Variants in FRMD5 observed in about 807,000 individuals in gnomAD.
FRMD5 encodes the protein FERM domain-containing protein 5.
FRMD5 carries 20 observed loss-of-function variants against 69.0 expected under a neutral mutation model. The ratio of observed to expected loss-of-function variants is 0.29; its 90% CI spans 0.20 to 0.42. The LOEUF (loss-of-function observed/expected upper bound fraction) is 0.42. Among genes scored for constraint, FRMD5 ranks in the 10% least tolerant of loss-of-function variants. The pLI, the probability that FRMD5 is intolerant of heterozygous loss-of-function variation, is 1.00. For missense variants in FRMD5, 595 were observed against 708.6 expected, an observed-to-expected ratio of 0.84 and a Z score of 1.82; for synonymous variants, 271 against 260.1, an observed-to-expected ratio of 1.04 and a Z score of -0.40.
chr15:43,935,340 C>T (rs1040527910), intron 1 of FRMD5, among the ~76,000 whole-genome samples: 7 of 152,078 alleles, frequency 4.6e-5, no homozygotes, highest in South Asian at 2.1e-4. Flanking sequence ...ACAAATTAGC[C>T]GGGTGTGGTG....
chr15:43,876,063 C>T (rs1018773028), intron 13 of FRMD5: 2 of 1,273,330 alleles, frequency 1.6e-6, no homozygotes, highest in Non-Finnish European at 1.1e-6. Flanking sequence ...GAATCTCATC[C>T]CAGACTTTAA....
In FRMD5 at chr15:43,966,197, C is replaced by T. The variant is rs555236620; in HGVS notation, c.103-41888G>A. ...ACCAGCCTGACCAACGTGGTGAAAC[C>T]GCATCTCTAATAAAAATACAAAAGT... On this transcript the variant is annotated intron_variant, in intron 1 of 13. Coordinates refer to ENST00000417257, the MANE Select transcript of FRMD5 (RefSeq NM_032892.5). Among the ~76,000 whole-genome samples the T allele has an allele frequency of 6.1e-4, 92 of 151,772 alleles. 1 individual carries two copies. Among genetic ancestry groups the T allele is most frequent in the Admixed American group, 1.2e-3 (18 of 15,248 alleles).
intron 1 of FRMD5, among the ~76,000 whole-genome samples, chr15:44,138,472 T>C (rs1242827130): frequency 6.6e-6 from 1 of 152,162 alleles, no homozygotes; most frequent in African/African-American, 2.4e-5. Context: ...CAATAATGGA[T>C]GCCTTGAAGA....
intron 1 of FRMD5, among the ~76,000 whole-genome samples, chr15:44,111,634 A>G (rs183374236): frequency 3.0e-4 from 46 of 152,342 alleles, no homozygotes; most frequent in Non-Finnish European, 5.6e-4. Context: ...TAATCACCCA[A>G]TCGGAACCCT....
upstream of FRMD5, among the ~76,000 whole-genome samples, chr15:44,198,387 A>C (rs1453924124): frequency 5.3e-5 from 8 of 151,848 alleles, no homozygotes; most frequent in African/African-American, 1.5e-4. Context: ...CACCTCACCG[A>C]AAGACCAGTT....
At chr15:44,128,910 G>T (rs781380045) in intron 1 of FRMD5, among the ~76,000 whole-genome samples, 1 of 152,108 alleles carries the variant, frequency 6.6e-6, no homozygotes, top group South Asian at 2.1e-4. Context: ...GGGAGAGAAG[G>T]CATATATAAT....
At chr15:43,913,875 T>A (rs1051662026) in intron 4 of FRMD5, among the ~76,000 whole-genome samples, 1 of 152,256 alleles carries the variant, frequency 6.6e-6, no homozygotes, top group African/African-American at 2.4e-5. Flanking sequence ...GACCCTTTGT[T>A]ATCAGAGAGA....
chr15:43,927,806 GT>G (rs982267919), intron 1 of FRMD5, among the ~76,000 whole-genome samples: 4 of 151,822 alleles, frequency 2.6e-5, no homozygotes, highest in African/African-American at 9.7e-5. Context: ...GGCTGAAGAA[GT>G]TTGCTTCCAT....
upstream of FRMD5, among the ~76,000 whole-genome samples, chr15:44,198,639 CA>C (rs1271558895): frequency 6.6e-6 from 1 of 151,070 alleles, no homozygotes; most frequent in Non-Finnish European, 1.5e-5. Context: ...TCAATTGAGC[CA>C]GGAGCTATGA....
intron 1 of FRMD5, among the ~76,000 whole-genome samples, chr15:44,076,150 T>G (rs571867277): frequency 3.9e-5 from 6 of 152,034 alleles, no homozygotes; most frequent in Non-Finnish European, 2.9e-5. Flanking sequence ...TGTGGAGAAA[T>G]AGTAACACTT....
chr15:44,001,536 G>A (rs1890211613), intron 1 of FRMD5, among the ~76,000 whole-genome samples: 1 of 151,626 alleles, frequency 6.6e-6, no homozygotes. Flanking sequence ...TATGGTTTCA[G>A]GTCTTATGTT....
intron 1 of FRMD5, among the ~76,000 whole-genome samples, chr15:43,980,693 T>A (rs920462712): frequency 1.3e-5 from 2 of 152,202 alleles, no homozygotes; most frequent in African/African-American, 4.8e-5. Context: ...TGATTTTTTT[T>A]ATCTTAAAGC....
At chr15:44,091,550 A>G (rs2076472932) in intron 1 of FRMD5, among the ~76,000 whole-genome samples, 1 of 152,186 alleles carries the variant, frequency 6.6e-6, no homozygotes, top group Non-Finnish European at 1.5e-5. Flanking sequence ...GAGACTTTGG[A>G]AGAAGATAAA....
At chr15:44,199,175 G>T (rs753598416), upstream of FRMD5, among the ~76,000 whole-genome samples, 14 of 151,938 alleles carry the variant, frequency 9.2e-5, no homozygotes, top group Non-Finnish European at 1.5e-4. Context: ...GACAAACACA[G>T]GCCCTTCCCA....
intron 7 of FRMD5, among the ~76,000 whole-genome samples, chr15:43,899,802 C>T (rs548151115): frequency 3.9e-5 from 6 of 152,162 alleles, no homozygotes; most frequent in Non-Finnish European, 8.8e-5. Flanking sequence ...TCACCCAAGA[C>T]GAGGCTGAGA....
At chr15:44,080,234 C>A (rs1893942848) in intron 1 of FRMD5, among the ~76,000 whole-genome samples, 1 of 152,018 alleles carries the variant, frequency 6.6e-6, no homozygotes, top group Admixed American at 6.6e-5. Flanking sequence ...ATTAAGAGTT[C>A]ATATATGCAT....
At chr15:43,963,797 A>G (rs2140551053) in intron 1 of FRMD5, among the ~76,000 whole-genome samples, 1 of 152,274 alleles carries the variant, frequency 6.6e-6, no homozygotes, top group Middle Eastern at 3.4e-3. Flanking sequence ...TCAGCAAACT[A>G]TTGCAAGGAC....
chr15:44,087,927 C>T (rs1894272634), intron 1 of FRMD5, among the ~76,000 whole-genome samples: 3 of 152,148 alleles, frequency 2.0e-5, no homozygotes, highest in Non-Finnish European at 2.9e-5. Flanking sequence ...AGTAAAACTA[C>T]TCTAGCTGAA....
intron 1 of FRMD5, among the ~76,000 whole-genome samples, chr15:44,081,200 T>A (rs1299440219): frequency 6.6e-6 from 1 of 152,110 alleles, no homozygotes; most frequent in Non-Finnish European, 1.5e-5. Context: ...TAAAAAAAAT[T>A]CATTACACTC....
Sources: allele counts gnomAD v4.1 joint callset (sites outside exome capture counted in the v4.1 genomes callset), GRCh38; gene constraint gnomAD v4.1.1; transcripts MANE v1.5; gene names NCBI Gene and HGNC (gene_info 2026-07-23, HGNC 2026-07-21).